MGAT4C: variants seen among roughly 807,000 people sequenced by gnomAD.
The protein encoded by MGAT4C is MGAT4 family member C, also known as alpha-1,3-mannosyl-glycoprotein 4-beta-N-acetylglucosaminyltransferase C.
Under a neutral mutation model 40.1 loss-of-function variants are expected in MGAT4C, and 19 were observed. That is an observed-to-expected ratio of 0.47 (90% CI 0.33 to 0.70). The LOEUF (loss-of-function observed/expected upper bound fraction) is 0.70. Ranked by LOEUF, MGAT4C falls within the 30% of genes least tolerant of loss-of-function variation. The probability of loss-of-function intolerance (pLI) is 0.02; values close to 1 mark genes in which losing one functional copy is unlikely to be tolerated. For synonymous variants in MGAT4C, 181 were observed against 187.1 expected (o/e 0.97, Z 0.27); for missense variants, 491 against 563.2 (o/e 0.87, Z 1.30).
intron 1 of MGAT4C, among the ~76,000 whole-genome samples, chr12:86,077,289 T>C (rs932760434): frequency 1.3e-5 from 2 of 152,172 alleles, no homozygotes; most frequent in African/African-American, 2.4e-5. Flanking sequence ...CATAATAATA[T>C]CTGACATAAT....
At chr12:86,107,791 A>G (rs1876484523) in intron 1 of MGAT4C, among the ~76,000 whole-genome samples, 1 of 152,168 alleles carries the variant, frequency 6.6e-6, no homozygotes, top group Non-Finnish European at 1.5e-5. Context: ...GCATACTAGG[A>G]AATTTCCAAT....
At chr12:86,168,907 G>A (rs544825724) in intron 1 of MGAT4C, among the ~76,000 whole-genome samples, 1 of 152,210 alleles carries the variant, frequency 6.6e-6, no homozygotes, top group South Asian at 2.1e-4. Context: ...TCTTGGCTGA[G>A]TACAATCTTA....
chr12:86,504,584 A>C (rs563104379), intron 2 of MGAT4C, among the ~76,000 whole-genome samples: 12 of 152,336 alleles, frequency 7.9e-5, no homozygotes, highest in African/African-American at 2.9e-4. Flanking sequence ...AAGTCCAGTC[A>C]ATCTAAATTC....
rs1955664613 is a variant in MGAT4C, at chr12:86,368,942, A to C, written c.-119-34815T>G. Reference sequence around the variant, plus strand: ...TGTTTCCTTATTGATTTTCTGCCTGATATGTCTATTATTGTAAGTGGGGTA... The same window carrying C: ...TGTTTCCTTATTGATTTTCTGCCTGCTATGTCTATTATTGTAAGTGGGGTA... On this transcript the variant is annotated intron_variant, in intron 3 of 7. Transcript: ENST00000548651. Among the ~76,000 whole-genome samples the C allele has an allele frequency of 2.6e-5, 4 of 152,000 alleles. No homozygotes were observed. The South Asian group carries it at 8.3e-4, about 31-fold the overall frequency.
At chr12:86,391,764 G>T (rs1355640903) in intron 3 of MGAT4C, among the ~76,000 whole-genome samples, 1 of 152,136 alleles carries the variant, frequency 6.6e-6, no homozygotes, top group Admixed American at 6.5e-5. Flanking sequence ...GGAGGCTGAG[G>T]CAGGAGAATG....
intron 2 of MGAT4C, among the ~76,000 whole-genome samples, chr12:86,595,579 T>C (rs1220953884): frequency 5.3e-5 from 8 of 151,674 alleles, no homozygotes; most frequent in Admixed American, 5.3e-4. Context: ...CTAAAGTATA[T>C]ATCATCATTC....
chr12:86,027,458 A>G (rs1049488167), intron 2 of MGAT4C, among the ~76,000 whole-genome samples: 1 of 151,928 alleles, frequency 6.6e-6, no homozygotes, highest in East Asian at 1.9e-4. Flanking sequence ...ATGTTATAGT[A>G]TGATGTACTA....
intron 1 of MGAT4C, among the ~76,000 whole-genome samples, chr12:86,732,182 A>G (rs1232760901): frequency 6.6e-6 from 1 of 152,056 alleles, no homozygotes; most frequent in Non-Finnish European, 1.5e-5. Context: ...TGTCACTTTC[A>G]TTTTATCCTT....
intron 2 of MGAT4C, among the ~76,000 whole-genome samples, chr12:86,634,197 A>G (rs1303539611): frequency 6.6e-6 from 1 of 152,140 alleles, no homozygotes; most frequent in Admixed American, 6.6e-5. Context: ...TGAATTTTCT[A>G]ATTTTCTATA....
intron 1 of MGAT4C, among the ~76,000 whole-genome samples, chr12:86,126,907 G>A (rs745820091): frequency 9.9e-5 from 15 of 151,114 alleles, no homozygotes; most frequent in Admixed American, 4.6e-4. Context: ...AGTATAAAGC[G>A]GGGATGGTTT....
intron 1 of MGAT4C, among the ~76,000 whole-genome samples, chr12:86,255,487 T>C (rs958446829): frequency 1.3e-5 from 2 of 152,126 alleles, no homozygotes; most frequent in Non-Finnish European, 2.9e-5. Context: ...GGCATAAATG[T>C]TACTACTGAC....
intron 1 of MGAT4C, among the ~76,000 whole-genome samples, chr12:86,116,549 C>T (rs1878454550): frequency 2.6e-5 from 4 of 151,868 alleles, no homozygotes; most frequent in Admixed American, 1.3e-4. Flanking sequence ...AGAAGAAATA[C>T]CCTAGATTAC....
chr12:86,021,481 T>C (rs1396239093), intron 2 of MGAT4C, among the ~76,000 whole-genome samples: 1 of 149,738 alleles, frequency 6.7e-6, no homozygotes, highest in Non-Finnish European at 1.5e-5. Context: ...AGCAAACTAT[T>C]GCAAGGACAA....
chr12:86,068,555 A>T (rs920848372), intron 1 of MGAT4C: 4 of 148,370 alleles, frequency 2.7e-5, no homozygotes, highest in African/African-American at 9.8e-5. Flanking sequence ...ATAAATATAT[A>T]TAAGTATATT....
At chr12:86,391,754 G>A (rs1442286611) in intron 3 of MGAT4C, among the ~76,000 whole-genome samples, 1 of 152,100 alleles carries the variant, frequency 6.6e-6, no homozygotes, top group Admixed American at 6.5e-5. Context: ...CAGCTACTCA[G>A]GAGGCTGAGG....
At chr12:86,767,285 G>C (rs551327874) in intron 1 of MGAT4C, among the ~76,000 whole-genome samples, 1 of 152,066 alleles carries the variant, frequency 6.6e-6, no homozygotes, top group African/African-American at 2.4e-5. Context: ...TAAATTCCTC[G>C]ACACATAAAC....
At chr12:86,289,896 A>G (rs1390475280) in intron 4 of MGAT4C, among the ~76,000 whole-genome samples, 1 of 152,226 alleles carries the variant, frequency 6.6e-6, no homozygotes, top group African/African-American at 2.4e-5. Flanking sequence ...TTGAAAACAT[A>G]TAGAAAGTTA....
chr12:86,152,462 A>G (rs1473278201), intron 1 of MGAT4C, among the ~76,000 whole-genome samples: 1 of 152,182 alleles, frequency 6.6e-6, no homozygotes, highest in Non-Finnish European at 1.5e-5. Context: ...TCCATCCCTG[A>G]GGATTCTGCC....
intron 2 of MGAT4C, among the ~76,000 whole-genome samples, chr12:86,690,470 G>C (rs1950153823): frequency 6.6e-6 from 1 of 152,154 alleles, no homozygotes; most frequent in African/African-American, 2.4e-5. Context: ...CTCCTGGTCT[G>C]CTGGTGGCGA....
Sources: allele counts gnomAD v4.1 joint callset (sites outside exome capture counted in the v4.1 genomes callset), GRCh38; gene constraint gnomAD v4.1.1; transcripts MANE v1.5; gene names NCBI Gene and HGNC (gene_info 2026-07-23, HGNC 2026-07-21).